The following TLE2 variants were observed in gnomAD, a reference collection of about 807,000 sequenced individuals.
TLE2 encodes transducin-like enhancer protein 2.
TLE2 carries 74 observed loss-of-function variants against 97.2 expected under a neutral mutation model. The ratio of observed to expected loss-of-function variants is 0.76; its 90% CI spans 0.63 to 0.92. The LOEUF is 0.92. Among genes scored for constraint, TLE2 ranks in the 40% least tolerant of loss-of-function variants. TLE2 has a pLI of 0.00. For synonymous variants in TLE2, 499 were observed against 432.1 expected (o/e 1.15, Z -1.92); for missense variants, 1,038 against 1,008.7 (o/e 1.03, Z -0.39).
intron 4 of TLE2, chr19:3,025,697 A>C: frequency 2.6e-6 from 2 of 771,026 alleles, no homozygotes; most frequent in Non-Finnish European, 3.2e-6. Context: ...CGGGCATACA[A>C]TGGCCACGGA....
chr19:2,999,040 C>T (rs375083), intron 19 of TLE2, among the ~76,000 whole-genome samples: 17 of 152,042 alleles, frequency 1.1e-4, no homozygotes, highest in East Asian at 3.9e-4. Context: ...TCGGCGCTTC[C>T]GGAGGCCGAG....
At chr19:3,002,837 T>C (rs2089394572) in intron 17 of TLE2, among the ~76,000 whole-genome samples, 1 of 152,138 alleles carries the variant, frequency 6.6e-6, no homozygotes, top group Admixed American at 6.6e-5. Context: ...TAGCTGGGAT[T>C]ACAGGTACCT....
chr19:3,021,088 C>CAAAAAAA (rs34363860), intron 5 of TLE2, among the ~76,000 whole-genome samples: 1 of 15,488 alleles, frequency 6.5e-5, no homozygotes, highest in South Asian at 4.1e-3. Context: ...GACCCAGTCT[C>CAAAAAAA]AAAAAAAAAA....
In TLE2 at chr19:3,025,478, C is replaced by T. The variant is rs777689167; in HGVS notation, c.232-396G>A. 10 of 1,019,256 alleles carry T rather than the reference C, an allele frequency of 9.8e-6. No individual in the cohort carries two copies. The African/African-American group carries it at 1.5e-4, about 16-fold the overall frequency. 63.1% of individuals were successfully genotyped at this position (1,019,256 alleles called of 1,614,324 possible). Reference sequence around the variant, plus strand: ...GGGCCTCCGCCTGGAGTCCCAGATTCCAGCCCCGGCTTGGCCCACGTCTGT... The same window carrying T: ...GGGCCTCCGCCTGGAGTCCCAGATTTCAGCCCCGGCTTGGCCCACGTCTGT... On this transcript the variant is annotated intron_variant, in intron 4 of 19. Coordinates refer to ENST00000262953, the MANE Select transcript of TLE2 (RefSeq NM_003260.5).
rs1366885323 is a variant in TLE2, at chr19:3,011,076, C to T, written c.958G>A (p.Ala320Thr). 3 of 1,608,578 alleles carry T rather than the reference C, an allele frequency of 1.9e-6. No individual in the cohort carries two copies. Among genetic ancestry groups the T allele is most frequent in the Non-Finnish European group, 2.5e-6 (3 of 1,178,354 alleles). Reference protein sequence around the residue: ...QDASTPGPSSASHLCQLAAKP... With the variant: ...QDASTPGPSSTSHLCQLAAKP... ...GCAGCAAGCTGGCAGAGGTGACTGG[C>T]CGAGCTGGGCCCGGGGGTGGAAGCG... Residue 320 changes from alanine (A) to threonine (T), a missense_variant, in exon 12 of 20, where the codon GCC becomes ACC. Ala to Thr is a moderately conservative substitution (Grantham distance 58). Transcript: ENST00000262953.
rs553015954 is a variant in TLE2 at position 3,019,819 on chromosome 19, T to C, written c.295-46A>G. On this transcript the variant is annotated intron_variant, in intron 5 of 19. Coordinates refer to ENST00000262953, the MANE Select transcript of TLE2 (RefSeq NM_003260.5). This position sits in a 1 kb window ranked among gnomAD's most constrained non-coding sequence, Gnocchi z 5.1. ...GGTAGAGGGTACATTGAGCCCCTGC[T>C]CATGCTAGCGGTGCCCTTGGGGACC... 1.3e-6 allele frequency: 2 copies of C among 1,586,434 alleles called. No individual in the cohort carries two copies. Among genetic ancestry groups the C allele is most frequent in the Non-Finnish European group, 1.7e-6 (2 of 1,167,944 alleles).
intron 17 of TLE2, among the ~76,000 whole-genome samples, chr19:3,004,502 G>A (rs984264383): frequency 1.3e-5 from 2 of 151,776 alleles, no homozygotes; most frequent in Non-Finnish European, 2.9e-5. Context: ...AGCCGAGCAT[G>A]GTGGTGCGTT....
intron 1 of TLE2, among the ~76,000 whole-genome samples, chr19:3,040,346 GTTTGT>G (rs2090090981): frequency 6.6e-6 from 1 of 151,926 alleles, no homozygotes; most frequent in Non-Finnish European, 1.5e-5. Flanking sequence ...TTTAACGTTT[GTTTGT>G]TTTTTTTTTA....
At chr19:3,012,097 T>C (rs767000932) in intron 11 of TLE2, among the ~76,000 whole-genome samples, 2 of 151,680 alleles carry the variant, frequency 1.3e-5, no homozygotes, top group Non-Finnish European at 2.9e-5. Context: ...ATACAAAAAA[T>C]TAGCCAGGCG....
chr19:3,013,263 G>A (rs541671689), intron 11 of TLE2, among the ~76,000 whole-genome samples: 6 of 152,044 alleles, frequency 3.9e-5, no homozygotes, highest in Admixed American at 1.3e-4. Context: ...CTTTCCTTCC[G>A]GGGACAACAT....
rs2089550453 is a variant in TLE2 at position 3,009,664 on chromosome 19, T to TG, written c.1050dup (p.Thr351HisfsTer45). On this transcript the variant is annotated frameshift_variant, in exon 13 of 20. Coordinates refer to ENST00000262953, the MANE Select transcript of TLE2 (RefSeq NM_003260.5). LOFTEE classifies it high-confidence loss of function. ...CTGTGGGAGCCCAGGCTGAAGGACGTGGTGAAGGGACTGGACAGAGTCAGG... is the reference window on the plus strand; with the variant it reads ...CTGTGGGAGCCCAGGCTGAAGGACGTGGGTGAAGGGACTGGACAGAGTCAGG... 6.2e-7 allele frequency: 1 copy of TG among 1,612,874 alleles called. No individual in the cohort carries two copies. The highest frequency in any genetic ancestry group is 8.5e-7 in the Non-Finnish European group (1 of 1,179,528).
At chr19:3,041,997 G>A (rs1401563860) in intron 1 of TLE2, among the ~76,000 whole-genome samples, 1 of 151,960 alleles carries the variant, frequency 6.6e-6, no homozygotes, top group Non-Finnish European at 1.5e-5. Flanking sequence ...GTGCTGCGGG[G>A]GAACCCACCA....
At chr19:3,033,817 C>T (rs1371084369), upstream of TLE2, among the ~76,000 whole-genome samples, 1 of 152,196 alleles carries the variant, frequency 6.6e-6, no homozygotes, top group African/African-American at 2.4e-5. Context: ...CCAGCCTGGG[C>T]AACATAGCGA....
chr19:3,002,561 C>T (rs971785371), intron 17 of TLE2, 58 bp from the exon 18 acceptor site: 3 of 1,530,500 alleles, frequency 2.0e-6, no homozygotes, highest in Admixed American at 2.0e-5. Flanking sequence ...TGTGTTGAGA[C>T]AGGGTCTCAC....
At chr19:3,031,356 G>C (rs2090023633), upstream of TLE2, among the ~76,000 whole-genome samples, 2 of 81,598 alleles carry the variant, frequency 2.5e-5, no homozygotes, top group Non-Finnish European at 5.7e-5. Context: ...GTGTGTGTGT[G>C]TGTGTGTGTG....
intron 5 of TLE2, among the ~76,000 whole-genome samples, chr19:3,022,875 ACT>A (rs2089872199): frequency 6.6e-6 from 1 of 152,012 alleles, no homozygotes; most frequent in Admixed American, 6.6e-5. Context: ...CAACTACCAA[ACT>A]CTGTCACTGT....
At chr19:3,042,674 C>T (rs1415766317) in intron 1 of TLE2, among the ~76,000 whole-genome samples, 1 of 151,144 alleles carries the variant, frequency 6.6e-6, no homozygotes, top group South Asian at 2.1e-4. Context: ...TGTTTCAAAC[C>T]TGAGTTCTAT....
chr19:3,042,874 G>A (rs967797188), intron 1 of TLE2, among the ~76,000 whole-genome samples: 39 of 152,250 alleles, frequency 2.6e-4, no homozygotes, highest in African/African-American at 9.4e-4. Context: ...GGAGAAGGAG[G>A]GGGACAAAGA....
chr19:3,007,256 T>G (rs1396083754), intron 14 of TLE2, among the ~76,000 whole-genome samples: 1 of 151,812 alleles, frequency 6.6e-6, no homozygotes, highest in East Asian at 1.9e-4. Flanking sequence ...CCTGGCTAAT[T>G]TTTTTGTATT....
Sources: gnomAD v4.1 joint callset for allele counts (sites outside exome capture counted in the v4.1 genomes callset) on GRCh38, gnomAD v4.1.1 for gene constraint, Gnocchi (gnomAD v3.1) non-coding constraint, MANE v1.5 for transcripts, NCBI Gene and HGNC (gene_info 2026-07-23, HGNC 2026-07-21) for gene names.